The following FOXRED1 variants were observed in gnomAD, a reference collection of about 807,000 sequenced individuals.
FOXRED1 encodes the protein FAD dependent oxidoreductase domain containing 1.
FOXRED1 carries 52 observed loss-of-function variants against 57.8 expected under a neutral mutation model. That is an observed-to-expected ratio of 0.90 (90% confidence interval 0.72 to 1.13). FOXRED1 has a LOEUF of 1.13. FOXRED1 is among the 50% of genes most tolerant of loss of function. The pLI is 0.00. For missense variants in FOXRED1, 589 were observed against 625.2 expected (o/e 0.94, Z 0.62); for synonymous variants, 271 against 248.3 (o/e 1.09, Z -0.86).
rs763336673 is a variant in FOXRED1 at position 126,276,144 on chromosome 11, C to T, written c.896C>T (p.Ala299Val). The T allele has an allele frequency of 6.2e-7, 1 of 1,612,204 alleles. No homozygotes were observed. The highest frequency in any genetic ancestry group is 8.5e-7 in the Non-Finnish European group (1 of 1,179,738). Residue 299 changes from alanine (A) to valine (V), a missense_variant, in exon 8 of 11, where the codon GCA (alanine) becomes GTA (valine). Ala to Val is a moderately conservative substitution (Grantham distance 64). Transcript: ENST00000263578. The part of the protein sequence containing the change: ...NAAGAWSAQI[A>V]ALAGVGEGPP... ...GCCGGAGCCTGGTCTGCGCAAATCG[C>T]AGCACTGGCTGGTGTTGGAGAGGGG...
rs752598684 is a variant in FOXRED1, at chr11:126,276,464, G to A, written c.1042G>A (p.Ala348Thr). ...ETPLVADTSG[A>T]YFRREGLGSN... ...TCCGCTTGTTGCAGACACCAGTGGA[G>A]CCTATTTTCGCCGGGAAGGATTAGG... Residue 348 changes from alanine (A) to threonine (T), a missense_variant, in exon 9 of 11, where the codon GCC (alanine) becomes ACC (threonine). Transcript: ENST00000263578. 3 of 1,608,996 alleles carry A rather than the reference G, an allele frequency of 1.9e-6. No individual in the cohort carries two copies. The highest frequency in any genetic ancestry group is 2.5e-6 in the Non-Finnish European group (3 of 1,177,876).
chr11:126,274,958 C>G lies in FOXRED1; in HGVS notation c.568C>G (p.Pro190Ala). The G allele has an allele frequency of 1.9e-6, 3 of 1,613,600 alleles. No individual in the cohort carries two copies. Among genetic ancestry groups the G allele is most frequent in the Non-Finnish European group, 2.5e-6 (3 of 1,179,550 alleles). The change falls in exon 5 of 11, where the codon CCT becomes GCT. Residue 190 changes from proline to alanine, a missense_variant. Physicochemically the swap from Pro to Ala is conservative, Grantham distance 27. Transcript: ENST00000263578. This position sits in a 1 kb window ranked among gnomAD's most constrained non-coding sequence, Gnocchi z 4.8. ...GGGAGCCAAAGTTTCTCTGATGTCTCCTGATCAGCTTCGGAACAAGTTTCC... is the reference window on the plus strand; with the variant it reads ...GGGAGCCAAAGTTTCTCTGATGTCTGCTGATCAGCTTCGGAACAAGTTTCC... ...QEGAKVSLMS[P>A]DQLRNKFPWI...
rs748079802 is a variant in FOXRED1 at position 126,274,906 on chromosome 11, C to G, written c.537-21C>G. 1 of 1,456,970 alleles carries G rather than the reference C, an allele frequency of 6.9e-7. No individual in the cohort carries two copies. 90.3% of individuals were successfully genotyped at this position (1,456,970 alleles called of 1,614,324 possible). On this transcript the variant is annotated intron_variant, in intron 4 of 10. Coordinates refer to ENST00000263578, the MANE Select transcript of FOXRED1 (RefSeq NM_017547.4). This position sits in a 1 kb window ranked among gnomAD's most constrained non-coding sequence, Gnocchi z 4.8. ...ACTCCCCTCTCTGACACACATACACCGACCCACACGTTTATCTCAGGCAGG... is the reference window on the plus strand; with the variant it reads ...ACTCCCCTCTCTGACACACATACACGGACCCACACGTTTATCTCAGGCAGG...
chr11:126,272,942 A>C lies in FOXRED1; in HGVS notation c.307-27A>C, dbSNP rs761834891. On this transcript the variant is annotated intron_variant, in intron 2 of 10. Transcript: ENST00000263578. The surrounding 1 kb of genome is among the most constrained non-coding windows in gnomAD (Gnocchi z 4.6). ...GTCACATGTGATAGGGTACTGGTCT[A>C]CCTCAACTTTTCTTGTCTTTCCACA... is the stretch of plus-strand genomic sequence containing the variant. 9.2e-7 allele frequency: 1 copy of C among 1,089,720 alleles called. No homozygotes were observed. The allele number at this position is 1,089,720 out of a possible 1,614,324, so 67.5% of individuals were successfully genotyped here.
chr11:126,273,137 G>T lies in FOXRED1; in HGVS notation c.417+58G>T, dbSNP rs1429482360. The T allele has an allele frequency of 5.5e-6, 6 of 1,095,018 alleles. No homozygotes were observed. The highest frequency in any genetic ancestry group is 1.5e-5 in the African/African-American group (1 of 65,108). 67.8% of individuals were successfully genotyped at this position (1,095,018 alleles called of 1,614,324 possible). On this transcript the variant is annotated intron_variant, in intron 3 of 10. Transcript: ENST00000263578. The surrounding 1 kb of genome is among the most constrained non-coding windows in gnomAD (Gnocchi z 5.9). ...GTTACCCCTCCTTTAGCCCAGAGTG[G>T]GGAGCAGCCCAGCTAGCAAGGTAGC...
At position 126,277,905 on chromosome 11, in the gene FOXRED1, T is replaced by G. The variant is rs1348524388; in HGVS notation, c.*216T>G. On this transcript the variant is annotated 3_prime_UTR_variant, in exon 11 of 11. Transcript: ENST00000263578. This position sits in a 1 kb window ranked among gnomAD's most constrained non-coding sequence, Gnocchi z 6.8. ...GATGAGCGGGATCCTAGGACTGATC[T>G]GTAGCCCATGCTGATGTCACCCACC... 1.5e-6 allele frequency: 1 copy of G among 684,602 alleles called. No homozygotes were observed. Among genetic ancestry groups the G allele is most frequent in the South Asian group, 1.5e-5 (1 of 66,308 alleles). 42.4% of individuals were successfully genotyped at this position (684,602 alleles called of 1,614,324 possible).
chr11:126,276,501 T>C lies in FOXRED1; in HGVS notation c.1079T>C (p.Leu360Pro), dbSNP rs1411355317. ...FRREGLGSNY[L>P]GGRSPTEQEE... Reference sequence around the variant, plus strand: ...CGGGAAGGATTAGGTAGCAACTACCTAGGTGGTCGTAGCCCCACTGAGGTA... The same window carrying C: ...CGGGAAGGATTAGGTAGCAACTACCCAGGTGGTCGTAGCCCCACTGAGGTA... Residue 360 changes from leucine (L) to proline (P), a missense_variant, in exon 9 of 11, where the codon CTA becomes CCA. By Grantham distance (98) the Leu-to-Pro change is moderately conservative. Coordinates refer to ENST00000263578, the MANE Select transcript of FOXRED1 (RefSeq NM_017547.4). 6.2e-7 allele frequency: 1 copy of C among 1,607,740 alleles called. No individual in the cohort carries two copies. The highest frequency in any genetic ancestry group is 8.5e-7 in the Non-Finnish European group (1 of 1,176,866).
rs1003140238 is a variant in FOXRED1 at position 126,274,927 on chromosome 11, G to A, written c.537G>A (p.Arg179=). ...AAMESNVKVQ[R]QEGAKVSLMS... is the part of the protein sequence containing the mutation. ...ACACCGACCCACACGTTTATCTCAG[G>A]CAGGAGGGAGCCAAAGTTTCTCTGA... Residue 179 remains arginine, a splice_region_variant and synonymous_variant, in exon 5 of 11, where the codon AGG becomes AGA. Coordinates refer to ENST00000263578, the MANE Select transcript of FOXRED1 (RefSeq NM_017547.4). The surrounding 1 kb of genome is among the most constrained non-coding windows in gnomAD (Gnocchi z 4.8). 6.3e-6 allele frequency: 10 copies of A among 1,597,736 alleles called. No individual in the cohort carries two copies. The highest frequency in any genetic ancestry group is 3.3e-5 in the Admixed American group (2 of 59,978).
At position 126,274,751 on chromosome 11, in the gene FOXRED1, C is replaced by T. The variant is rs1427308236; in HGVS notation, c.537-176C>T. 12 of 665,082 alleles carry T rather than the reference C, an allele frequency of 1.8e-5. No homozygotes were observed. Among genetic ancestry groups the T allele is most frequent in the Non-Finnish European group, 2.8e-5 (10 of 360,840 alleles). 41.2% of individuals were successfully genotyped at this position (665,082 alleles called of 1,614,324 possible). A position where few individuals can be genotyped will look rare whatever the true frequency, so the allele number is the denominator to read the frequency against. On this transcript the variant is annotated intron_variant, in intron 4 of 10. Coordinates refer to ENST00000263578, the MANE Select transcript of FOXRED1 (RefSeq NM_017547.4). The surrounding 1 kb of genome is among the most constrained non-coding windows in gnomAD (Gnocchi z 4.8). ...GGAAAGGCAGTCAAGGCTGAAGAGC[C>T]TGACTAGGAGGCTTGGTCTTCAGCC...
rs780367875 is a variant in FOXRED1, at chr11:126,277,035, A to C, written c.1102-36A>C. 1 of 1,278,362 alleles carries C rather than the reference A, an allele frequency of 7.8e-7. No individual in the cohort carries two copies. Among genetic ancestry groups the C allele is most frequent in the South Asian group, 1.2e-5 (1 of 84,490 alleles). 79.2% of individuals were successfully genotyped at this position (1,278,362 alleles called of 1,614,324 possible). ...AAGTCTGGGCCTGTCCTTGTGTCCC[A>C]GGCAATGTAAGCGTTGTCCCCACCT... On this transcript the variant is annotated intron_variant, in intron 9 of 10. Transcript: ENST00000263578. The surrounding 1 kb of genome is among the most constrained non-coding windows in gnomAD (Gnocchi z 6.8).
chr11:126,277,119 C>G lies in FOXRED1; in HGVS notation c.1150C>G (p.Gln384Glu), dbSNP rs781562583. 2.5e-6 allele frequency: 4 copies of G among 1,613,710 alleles called. No individual in the cohort carries two copies. The highest frequency in any genetic ancestry group is 1.7e-5 in the Admixed American group (1 of 60,028). Residue 384 changes from glutamine to glutamate, a missense_variant, in exon 10 of 11, where the codon CAG (glutamine) becomes GAG (glutamate). Gln to Glu is a conservative substitution (Grantham distance 29, BLOSUM62 2). Coordinates refer to ENST00000263578, the MANE Select transcript of FOXRED1 (RefSeq NM_017547.4). The surrounding 1 kb of genome is among the most constrained non-coding windows in gnomAD (Gnocchi z 6.8). Reference sequence around the variant, plus strand: ...CCTGGAAGTGGACCATGATTTCTTCCAGGACAAGGTGTGGCCCCATTTGGC... The same window carrying G: ...CCTGGAAGTGGACCATGATTTCTTCGAGGACAAGGTGTGGCCCCATTTGGC... ...ANLEVDHDFF[Q>E]DKVWPHLALR... is the part of the protein sequence containing the mutation.
rs968449087 is a variant in FOXRED1, at chr11:126,275,657, C to T, written c.734-137C>T. Reference sequence around the variant, plus strand: ...GAGTGTGGCCAAGCTCATGCCAGCTCCCTCATCTCTGTTTGCTTCAGTGTC... The same window carrying T: ...GAGTGTGGCCAAGCTCATGCCAGCTTCCTCATCTCTGTTTGCTTCAGTGTC... On this transcript the variant is annotated intron_variant, in intron 6 of 10. Coordinates refer to ENST00000263578, the MANE Select transcript of FOXRED1 (RefSeq NM_017547.4). This position sits in a 1 kb window ranked among gnomAD's most constrained non-coding sequence, Gnocchi z 5.9. 1 of 740,472 alleles carries T rather than the reference C, an allele frequency of 1.4e-6. No homozygotes were observed. Among genetic ancestry groups the T allele is most frequent in the South Asian group, 1.5e-5 (1 of 68,104 alleles). The allele number at this position is 740,472 out of a possible 1,614,324, so 45.9% of individuals were successfully genotyped here. A position where few individuals can be genotyped will look rare whatever the true frequency, so the allele number is the denominator to read the frequency against.
intron 7 of FOXRED1, 54 bp from the exon 8 acceptor site, chr11:126,276,005 G>C: frequency 6.2e-7 from 1 of 1,608,898 alleles, no homozygotes; most frequent in Non-Finnish European, 8.5e-7. Flanking sequence ...CATCTCTCAG[G>C]GTGCCTGGTG....
In FOXRED1 at chr11:126,275,657, C is replaced by G; in HGVS notation, c.734-137C>G. 2.7e-6 allele frequency: 2 copies of G among 740,472 alleles called. No individual in the cohort carries two copies. Among genetic ancestry groups the G allele is most frequent in the Non-Finnish European group, 4.8e-6 (2 of 416,866 alleles). 45.9% of individuals were successfully genotyped at this position (740,472 alleles called of 1,614,324 possible). A position where few individuals can be genotyped will look rare whatever the true frequency, so the allele number is the denominator to read the frequency against. ...GAGTGTGGCCAAGCTCATGCCAGCT[C>G]CCTCATCTCTGTTTGCTTCAGTGTC... On this transcript the variant is annotated intron_variant, in intron 6 of 10. Transcript: ENST00000263578. This position sits in a 1 kb window ranked among gnomAD's most constrained non-coding sequence, Gnocchi z 5.9.
chr11:126,271,377 A>G lies in FOXRED1; in HGVS notation c.86-60A>G, dbSNP rs1194916284. On this transcript the variant is annotated intron_variant, in intron 1 of 10. Coordinates refer to ENST00000263578, the MANE Select transcript of FOXRED1 (RefSeq NM_017547.4). This position sits in a 1 kb window ranked among gnomAD's most constrained non-coding sequence, Gnocchi z 5.3. ...TCACCTTTTCCTGTGCCCATCCTCC[A>G]ACCCCCCAACCATGTGGGAAGGAAA... 8 of 1,294,084 alleles carry G rather than the reference A, an allele frequency of 6.2e-6. No individual in the cohort carries two copies. The highest frequency in any genetic ancestry group is 9.0e-6 in the Non-Finnish European group (8 of 888,720). The allele number at this position is 1,294,084 out of a possible 1,614,324, so 80.2% of individuals were successfully genotyped here.
intron 1 of FOXRED1, 94 bp downstream of exon 1, chr11:126,269,385 G>A: frequency 1.2e-6 from 2 of 1,607,436 alleles, no homozygotes; most frequent in Non-Finnish European, 1.7e-6. Context: ...GGCCCACACT[G>A]GCAGGACAGT....
At position 126,271,215 on chromosome 11, in the gene FOXRED1, T is replaced by G; in HGVS notation, c.86-222T>G. On this transcript the variant is annotated intron_variant, in intron 1 of 10. Coordinates refer to ENST00000263578, the MANE Select transcript of FOXRED1 (RefSeq NM_017547.4). This position sits in a 1 kb window ranked among gnomAD's most constrained non-coding sequence, Gnocchi z 5.3. The stretch of plus-strand genomic sequence containing the variant: ...AAATTAATTTTAGGAAATTGAATCT[T>G]GCAGTGCTTGGCACAATGCATGAAG... 2 of 528,516 alleles carry G rather than the reference T, an allele frequency of 3.8e-6. No individual in the cohort carries two copies. The highest frequency in any genetic ancestry group is 2.0e-5 in the South Asian group (1 of 49,474). The allele number at this position is 528,516 out of a possible 1,614,324, so 32.7% of individuals were successfully genotyped here. A position where few individuals can be genotyped will look rare whatever the true frequency, so the allele number is the denominator to read the frequency against.
Position 126,272,326 on chromosome 11 carries a change from T to A in FOXRED1, c.307-643T>A, listed in dbSNP as rs376854302. Among the ~76,000 whole-genome samples the A allele has an allele frequency of 6.6e-5, 10 of 151,992 alleles. No individual in the cohort carries two copies. The East Asian group carries it at 1.9e-3, about 29-fold the overall frequency. ...TTTTGCATTTTATTGTATTTATTTA[T>A]TTCGAGACAGGGTCTCGCTCTGTTG... On this transcript the variant is annotated intron_variant, in intron 2 of 10. Coordinates refer to ENST00000263578, the MANE Select transcript of FOXRED1 (RefSeq NM_017547.4). This position sits in a 1 kb window ranked among gnomAD's most constrained non-coding sequence, Gnocchi z 4.6.
In FOXRED1 at chr11:126,271,719, G is replaced by T. The variant is rs533906822; in HGVS notation, c.306+62G>T. On this transcript the variant is annotated intron_variant, in intron 2 of 10. Coordinates refer to ENST00000263578, the MANE Select transcript of FOXRED1 (RefSeq NM_017547.4). This position sits in a 1 kb window ranked among gnomAD's most constrained non-coding sequence, Gnocchi z 5.3. ...AAGAAAGATGACTCATTTTATTAAG[G>T]ACTCTAGCGACAAGGGAAGGAGAGG... 6.2e-5 allele frequency: 81 copies of T among 1,314,298 alleles called. No homozygotes were observed. In the South Asian group the frequency reaches 9.3e-4, roughly 15 times the overall value. The allele number at this position is 1,314,298 out of a possible 1,614,324, so 81.4% of individuals were successfully genotyped here.
Sources: gnomAD v4.1 joint callset for allele counts (sites outside exome capture counted in the v4.1 genomes callset) on GRCh38, gnomAD v4.1.1 for gene constraint, Gnocchi (gnomAD v3.1) non-coding constraint, MANE v1.5 for transcripts, NCBI Gene and HGNC (gene_info 2026-07-23, HGNC 2026-07-21) for gene names.